Variants in RTL4 observed in about 807,000 individuals in gnomAD.
RTL4 encodes the protein retrotransposon Gag like 4.
RTL4 carries 4 observed loss-of-function variants against 5.3 expected under a neutral mutation model. The ratio of observed to expected loss-of-function variants is 0.75; its 90% confidence interval spans 0.37 to 1.72. The LOEUF (loss-of-function observed/expected upper bound fraction) is 1.72. Among genes scored for constraint, RTL4 ranks in the 40% most tolerant of loss-of-function variants. The pLI is 0.04. For missense variants in RTL4, 260 were observed against 227.1 expected, an observed-to-expected ratio of 1.14 and a Z score of -0.93; for synonymous variants, 98 against 87.3, an observed-to-expected ratio of 1.12 and a Z score of -0.68.
the RTL4 span, among the ~76,000 whole-genome samples, chrX:112,179,346 T>TAA: frequency 3.8e-5 from 4 of 105,564 alleles, no homozygotes; most frequent in Admixed American, 2.0e-4. Context: ...TATAGGGACA[T>TAA]AAAAAAAAAG....
the RTL4 span, among the ~76,000 whole-genome samples, chrX:112,419,595 T>TTACATATGTATATGTATATATATATATA: frequency 1.1e-3 from 30 of 28,140 alleles, 2 homozygotes; most frequent in South Asian, 2.4e-3. Context: ...ATATATATAT[T>TTACATATGTATATGTATATATATATATA]TTTACATATG....
the RTL4 span, among the ~76,000 whole-genome samples, chrX:112,176,560 T>A: frequency 2.7e-5 from 3 of 111,297 alleles, no homozygotes; most frequent in African/African-American, 9.8e-5. Context: ...CTTCTTTTTT[T>A]AAATTGATAT....
the RTL4 span, among the ~76,000 whole-genome samples, chrX:112,195,470 G>A: frequency 9.0e-6 from 1 of 111,498 alleles, no homozygotes; most frequent in Non-Finnish European, 1.9e-5. Flanking sequence ...CAATTAAGTT[G>A]GAAAGTCCCA....
the RTL4 span, among the ~76,000 whole-genome samples, chrX:112,206,835 C>G: frequency 8.9e-6 from 1 of 111,838 alleles, no homozygotes; most frequent in Admixed American, 9.5e-5. Flanking sequence ...CTACTCCTCC[C>G]ATTGGCCTTG....
the RTL4 span, among the ~76,000 whole-genome samples, chrX:112,309,818 ATATACATATATATACATATATG>A: frequency 9.8e-6 from 1 of 102,466 alleles, no homozygotes; most frequent in Non-Finnish European, 1.9e-5. Flanking sequence ...ACACACACAT[ATATACATATATATACATATATG>A]TATACACATA....
chrX:112,245,800 T>C, the RTL4 span, among the ~76,000 whole-genome samples: 1 of 112,553 alleles, frequency 8.9e-6, no homozygotes, highest in African/African-American at 3.2e-5. Flanking sequence ...AATTTTCAGC[T>C]TCTCTGCTCT....
chrX:112,337,169 T>G, the RTL4 span, among the ~76,000 whole-genome samples: 5 of 112,287 alleles, frequency 4.5e-5, no homozygotes, highest in South Asian at 1.1e-3. Context: ...ATTAAGCATT[T>G]TAAACATATT....
At chrX:112,186,891 A>C in the RTL4 span, among the ~76,000 whole-genome samples, 3 of 111,906 alleles carry the variant, frequency 2.7e-5, no homozygotes, top group East Asian at 8.4e-4. Context: ...ATATCAACTG[A>C]GTTATTTTGC....
chrX:112,190,900 A>G, the RTL4 span, among the ~76,000 whole-genome samples: 5 of 112,028 alleles, frequency 4.5e-5, no homozygotes, highest in Non-Finnish European at 9.4e-5. Context: ...AATAGTATCC[A>G]TGTACTGATC....
At chrX:112,388,444 C>A in the RTL4 span, among the ~76,000 whole-genome samples, 1 of 112,161 alleles carries the variant, frequency 8.9e-6, no homozygotes, top group Non-Finnish European at 1.9e-5. Flanking sequence ...ACGTTCAATT[C>A]TACGTTGAAT....
the RTL4 span, among the ~76,000 whole-genome samples, chrX:112,174,746 G>T: frequency 2.1e-5 from 2 of 95,500 alleles, no homozygotes; most frequent in Non-Finnish European, 4.2e-5. Flanking sequence ...AGCACCTGTC[G>T]TTTCCTGACT....
At chrX:112,173,835 C>T in the RTL4 span, among the ~76,000 whole-genome samples, 1 of 110,428 alleles carries the variant, frequency 9.1e-6, no homozygotes, top group African/African-American at 3.3e-5. Flanking sequence ...GTTTTCTTTC[C>T]AACTAAAATC....
the RTL4 span, among the ~76,000 whole-genome samples, chrX:112,327,880 C>T: frequency 9.1e-6 from 1 of 110,446 alleles, no homozygotes; most frequent in African/African-American, 3.3e-5. Context: ...GAATTTTCAA[C>T]CCAGAATTTC....
upstream of RTL4, among the ~76,000 whole-genome samples, chrX:112,451,789 G>A (rs906570572): frequency 1.8e-5 from 2 of 111,413 alleles, no homozygotes; most frequent in Non-Finnish European, 3.8e-5. Context: ...TTTATGTGGA[G>A]GTAGAATAGT....
At chrX:112,242,973 G>C in the RTL4 span, among the ~76,000 whole-genome samples, 10 of 111,490 alleles carry the variant, frequency 9.0e-5, no homozygotes, top group African/African-American at 1.3e-4. Context: ...CTTTGGTTCT[G>C]TTTACATGAT....
the RTL4 span, among the ~76,000 whole-genome samples, chrX:112,095,170 C>T: frequency 9.0e-6 from 1 of 111,208 alleles, no homozygotes; most frequent in Non-Finnish European, 1.9e-5. Context: ...AAAAAGTATC[C>T]ACGTGGATTC....
chrX:112,193,519 G>A, the RTL4 span, among the ~76,000 whole-genome samples: 2 of 111,419 alleles, frequency 1.8e-5, no homozygotes, highest in South Asian at 7.5e-4. Context: ...GCTTTCAACA[G>A]TTTATTATAA....
At chrX:112,360,402 T>C in the RTL4 span, among the ~76,000 whole-genome samples, 1 of 111,287 alleles carries the variant, frequency 9.0e-6, no homozygotes, top group Non-Finnish European at 1.9e-5. Context: ...TTTTAAAGTA[T>C]AAGAGAATAG....
At chrX:112,285,987 T>C in the RTL4 span, among the ~76,000 whole-genome samples, 3 of 111,766 alleles carry the variant, frequency 2.7e-5, no homozygotes, top group African/African-American at 9.7e-5. Flanking sequence ...GGAGTAATAA[T>C]TTTTAAAAAG....
Sources: gnomAD v4.1 joint callset for allele counts (sites outside exome capture counted in the v4.1 genomes callset) on GRCh38, gnomAD v4.1.1 for gene constraint, MANE v1.5 for transcripts, NCBI Gene and HGNC (gene_info 2026-07-23, HGNC 2026-07-21) for gene names.